Variants in SLC9B1 observed in about 807,000 individuals in gnomAD.
SLC9B1 encodes the protein sodium/hydrogen exchanger 9B1.
SLC9B1 carries 32 observed loss-of-function variants against 51.7 expected under a neutral mutation model. The observed-to-expected ratio is 0.62, with a 90% CI of 0.47 to 0.83. The LOEUF (loss-of-function observed/expected upper bound fraction) is 0.83, where lower values mean the gene tolerates loss of function less well. Ranked by LOEUF, SLC9B1 falls within the 40% of genes least tolerant of loss-of-function variation. The pLI is 0.00. For synonymous variants in SLC9B1, 145 were observed against 212.7 expected, an observed-to-expected ratio of 0.68 and a Z score of 2.77; for missense variants, 406 against 613.2, an observed-to-expected ratio of 0.66 and a Z score of 3.57.
intron 1 of SLC9B1, among the ~76,000 whole-genome samples, chr4:103,000,624 T>C (rs927285773): frequency 6.6e-6 from 1 of 152,212 alleles, no homozygotes; most frequent in African/African-American, 2.4e-5. Flanking sequence ...GGGGCAGTCA[T>C]TAAACCTTAA....
At chr4:102,915,535 C>T (rs1735537053) in intron 7 of SLC9B1, among the ~76,000 whole-genome samples, 1 of 152,144 alleles carries the variant, frequency 6.6e-6, no homozygotes, top group Non-Finnish European at 1.5e-5. Flanking sequence ...GCTGGGACTA[C>T]AGACATGCAC....
intron 1 of SLC9B1, among the ~76,000 whole-genome samples, chr4:102,997,097 A>G (rs1180500533): frequency 6.6e-6 from 1 of 152,100 alleles, no homozygotes; most frequent in Non-Finnish European, 1.5e-5. Context: ...CCAGTATAAC[A>G]GATATTGACA....
intron 3 of SLC9B1, among the ~76,000 whole-genome samples, chr4:102,970,755 G>A (rs538459331): frequency 1.9e-4 from 29 of 152,256 alleles, no homozygotes; most frequent in Admixed American, 1.2e-3. Flanking sequence ...CTCACATGCA[G>A]AGACACACAT....
rs546718093 is a variant in SLC9B1, at chr4:102,909,140, A to T, written c.1086+1299T>A. Among the ~76,000 whole-genome samples, 6 of 152,268 alleles carry T rather than the reference A, an allele frequency of 3.9e-5. No individual in the cohort carries two copies. The East Asian group carries it at 9.6e-4, about 24-fold the overall frequency. On this transcript the variant is annotated intron_variant, in intron 9 of 11. Transcript: ENST00000296422. ...AATAACCAAAATCTTTTGAAGGGAT[A>T]ATTTAGCAGTGTCCATCAAAATAAA... is the stretch of plus-strand genomic sequence containing the variant.
At chr4:103,009,696 A>C (rs146213232) in intron 1 of SLC9B1, among the ~76,000 whole-genome samples, 2 of 152,328 alleles carry the variant, frequency 1.3e-5, no homozygotes, top group Non-Finnish European at 2.9e-5. Flanking sequence ...TATTCAATTA[A>C]TGTTAGGTAA....
intron 2 of SLC9B1, among the ~76,000 whole-genome samples, chr4:102,991,313 A>G (rs746376118): frequency 3.3e-5 from 5 of 152,070 alleles, no homozygotes; most frequent in Admixed American, 6.5e-5. Flanking sequence ...ACAGCACAAC[A>G]TTTTAATTAA....
chr4:102,936,918 A>G (rs748401997), intron 6 of SLC9B1, among the ~76,000 whole-genome samples: 17 of 152,174 alleles, frequency 1.1e-4, no homozygotes, highest in African/African-American at 4.8e-5. Context: ...GAGATACTAC[A>G]TAAGATGACC....
intron 9 of SLC9B1, among the ~76,000 whole-genome samples, chr4:102,907,830 C>T (rs1302517635): frequency 6.6e-6 from 1 of 152,248 alleles, no homozygotes; most frequent in Non-Finnish European, 1.5e-5. Context: ...AACAATGTTA[C>T]TATTCTTTAC....
intron 11 of SLC9B1, among the ~76,000 whole-genome samples, chr4:102,902,410 G>C (rs1363401404): frequency 6.6e-6 from 1 of 152,012 alleles, no homozygotes; most frequent in Non-Finnish European, 1.5e-5. Context: ...TTAATGTACT[G>C]AACGTGAGCC....
intron 11 of SLC9B1, among the ~76,000 whole-genome samples, chr4:102,886,185 G>T (rs1267216187): frequency 2.0e-5 from 3 of 152,084 alleles, no homozygotes; most frequent in Non-Finnish European, 4.4e-5. Context: ...TCCCAATTTT[G>T]TTTAAAAAAC....
At chr4:102,994,051 G>T (rs1435557419) in intron 1 of SLC9B1, among the ~76,000 whole-genome samples, 1 of 152,270 alleles carries the variant, frequency 6.6e-6, no homozygotes, top group African/African-American at 2.4e-5. Flanking sequence ...AAATGCCCTG[G>T]AGACATTTTC....
At chr4:102,885,518 A>G in intron 11 of SLC9B1, 1 of 1,014,510 alleles carries the variant, frequency 9.9e-7, no homozygotes, top group Admixed American at 1.9e-5. Flanking sequence ...GTTCTTTAAG[A>G]TGAGAGAATT....
chr4:103,015,965 CA>C (rs1741296646), intron 1 of SLC9B1, among the ~76,000 whole-genome samples: 2 of 151,204 alleles, frequency 1.3e-5, no homozygotes, highest in East Asian at 3.9e-4. Context: ...CTATCTCTAC[CA>C]AAAATACAAA....
chr4:102,886,467 G>C (rs927432566), intron 11 of SLC9B1, among the ~76,000 whole-genome samples: 1 of 151,792 alleles, frequency 6.6e-6, no homozygotes, highest in African/African-American at 2.4e-5. Flanking sequence ...CTCCAGCCTG[G>C]GCGACAAGGT....
chr4:102,951,957 A>ATTTT (rs1415522685), intron 3 of SLC9B1, among the ~76,000 whole-genome samples: 1 of 9,528 alleles, frequency 1.0e-4, no homozygotes, highest in African/African-American at 1.1e-3. Context: ...GCAAAAATAA[A>ATTTT]ATCTTTTTTT....
intron 7 of SLC9B1, among the ~76,000 whole-genome samples, chr4:102,914,596 T>C (rs1273387081): frequency 5.9e-5 from 9 of 152,160 alleles, no homozygotes; most frequent in Admixed American, 2.6e-4. Context: ...TGTCATAATT[T>C]CTTCAGTTGT....
chr4:102,904,861 A>G (rs1190640930), intron 11 of SLC9B1, among the ~76,000 whole-genome samples: 2 of 151,934 alleles, frequency 1.3e-5, no homozygotes, highest in African/African-American at 2.4e-5. Flanking sequence ...GTGCACCTGT[A>G]TAATCCCAGC....
intron 3 of SLC9B1, among the ~76,000 whole-genome samples, chr4:102,964,807 G>A (rs994138155): frequency 6.6e-6 from 1 of 151,958 alleles, no homozygotes; most frequent in African/African-American, 2.4e-5. Flanking sequence ...AATGATCAAG[G>A]CATCTACCAG....
intron 3 of SLC9B1, among the ~76,000 whole-genome samples, chr4:102,980,244 G>C (rs1171941364): frequency 6.6e-6 from 1 of 151,992 alleles, no homozygotes; most frequent in African/African-American, 2.4e-5. Context: ...CCCATTACTG[G>C]GTATATACCC....
Sources: allele counts gnomAD v4.1 joint callset (sites outside exome capture counted in the v4.1 genomes callset), GRCh38; gene constraint gnomAD v4.1.1; transcripts MANE v1.5; gene names NCBI Gene and HGNC (gene_info 2026-07-23, HGNC 2026-07-21).